QTMAN: variants seen among roughly 807,000 people sequenced by gnomAD.
QTMAN encodes the protein tRNA-queuosine alpha-mannosyltransferase.
chr2:144,169,294 A>G, the QTMAN span, among the ~76,000 whole-genome samples: 1 of 152,178 alleles, frequency 6.6e-6, no homozygotes, highest in Non-Finnish European at 1.5e-5. Flanking sequence ...AATCAGAGAC[A>G]ATTTGTTTAT....
the QTMAN span, among the ~76,000 whole-genome samples, chr2:144,148,299 T>C: frequency 6.6e-6 from 1 of 151,790 alleles, no homozygotes; most frequent in Non-Finnish European, 1.5e-5. Flanking sequence ...TTAATATGTA[T>C]ATATTTACAG....
chr2:144,121,662 TA>T, the QTMAN span, among the ~76,000 whole-genome samples: 1 of 152,234 alleles, frequency 6.6e-6, no homozygotes, highest in Non-Finnish European at 1.5e-5. Flanking sequence ...CTCTGCTTTA[TA>T]GGACCTAAGA....
the QTMAN span, among the ~76,000 whole-genome samples, chr2:144,079,336 C>T: frequency 1.3e-5 from 2 of 152,082 alleles, no homozygotes; most frequent in Admixed American, 1.3e-4. Context: ...TATAAATCAA[C>T]AGCAATTTTA....
chr2:144,106,455 C>A, the QTMAN span, among the ~76,000 whole-genome samples: 1 of 152,096 alleles, frequency 6.6e-6, no homozygotes, highest in South Asian at 2.1e-4. Flanking sequence ...GGGTTGCAAT[C>A]CTAGTCTCTG....
the QTMAN span, among the ~76,000 whole-genome samples, chr2:143,981,742 T>A: frequency 1.3e-5 from 2 of 152,206 alleles, no homozygotes; most frequent in Non-Finnish European, 2.9e-5. Context: ...TACCAGATTG[T>A]CATGGCAAAT....
chr2:144,018,217 C>T, the QTMAN span, among the ~76,000 whole-genome samples: 8 of 152,122 alleles, frequency 5.3e-5, no homozygotes, highest in Non-Finnish European at 7.4e-5. Flanking sequence ...ATCTCTGAAG[C>T]ATGAACAGAT....
chr2:144,052,255 T>A, the QTMAN span, among the ~76,000 whole-genome samples: 1 of 152,108 alleles, frequency 6.6e-6, no homozygotes, highest in Non-Finnish European at 1.5e-5. Context: ...GGCTGTGAGG[T>A]GATGAAATAC....
At chr2:144,075,032 T>C in the QTMAN span, among the ~76,000 whole-genome samples, 1 of 152,224 alleles carries the variant, frequency 6.6e-6, no homozygotes, top group African/African-American at 2.4e-5. Context: ...CAATTAACTT[T>C]TGAGGAGGTA....
chr2:144,213,752 A>T, the QTMAN span, among the ~76,000 whole-genome samples: 1 of 152,208 alleles, frequency 6.6e-6, no homozygotes, highest in Non-Finnish European at 1.5e-5. Context: ...CAATATTTGG[A>T]AACTTAAGCT....
the QTMAN span, among the ~76,000 whole-genome samples, chr2:144,143,890 A>C: frequency 4.6e-5 from 7 of 151,932 alleles, no homozygotes; most frequent in African/African-American, 1.7e-4. Flanking sequence ...ACAGTGCCAA[A>C]AAAAGCAGAA....
chr2:144,115,673 C>T, the QTMAN span, among the ~76,000 whole-genome samples: 1 of 152,134 alleles, frequency 6.6e-6, no homozygotes, highest in Non-Finnish European at 1.5e-5. Context: ...ATGAAAACAA[C>T]AGAAACATGG....
the QTMAN span, among the ~76,000 whole-genome samples, chr2:144,275,449 G>C: frequency 6.6e-6 from 1 of 151,674 alleles, no homozygotes; most frequent in South Asian, 2.1e-4. Flanking sequence ...CCCTGTCAGG[G>C]ACATTGGCCT....
the QTMAN span, among the ~76,000 whole-genome samples, chr2:144,220,012 A>G: frequency 6.6e-6 from 1 of 151,946 alleles, no homozygotes. Context: ...TAATCTTCTG[A>G]TTTGCTAATA....
At chr2:143,986,998 G>A in the QTMAN span, among the ~76,000 whole-genome samples, 1 of 152,168 alleles carries the variant, frequency 6.6e-6, no homozygotes, top group Non-Finnish European at 1.5e-5. Flanking sequence ...CAAAAAGAGG[G>A]TAAATAATAA....
the QTMAN span, among the ~76,000 whole-genome samples, chr2:144,136,279 T>A: frequency 6.7e-6 from 1 of 149,616 alleles, no homozygotes; most frequent in Non-Finnish European, 1.5e-5. Flanking sequence ...TGGGTCATGA[T>A]CACATCATTG....
chr2:144,082,465 G>A, the QTMAN span, among the ~76,000 whole-genome samples: 1 of 152,146 alleles, frequency 6.6e-6, no homozygotes, highest in Non-Finnish European at 1.5e-5. Flanking sequence ...GCACTGGGGG[G>A]AAGGGGGTGT....
chr2:144,293,601 A>G, the QTMAN span, among the ~76,000 whole-genome samples: 1 of 152,206 alleles, frequency 6.6e-6, no homozygotes, highest in Non-Finnish European at 1.5e-5. Context: ...TTCAAACTGA[A>G]CTAAGTAAAG....
At chr2:144,308,089 T>A in the QTMAN span, among the ~76,000 whole-genome samples, 7 of 151,844 alleles carry the variant, frequency 4.6e-5, no homozygotes, top group Non-Finnish European at 7.4e-5. Flanking sequence ...ACAAACAGTG[T>A]TATGTTGGCA....
the QTMAN span, among the ~76,000 whole-genome samples, chr2:144,043,227 T>TTGTGTGTGTGTG: frequency 4.3e-3 from 638 of 148,692 alleles, 7 homozygotes; most frequent in African/African-American, 0.014. Flanking sequence ...ATGTGTGAAT[T>TTGTGTGTGTGTG]TGTGTGTGTG....
Sources: gnomAD v4.1 joint callset for allele counts (sites outside exome capture counted in the v4.1 genomes callset) on GRCh38, gnomAD v4.1.1 for gene constraint, MANE v1.5 for transcripts, NCBI Gene and HGNC (gene_info 2026-07-23, HGNC 2026-07-21) for gene names.